Variants in UMODL1 observed in about 807,000 individuals in gnomAD.
UMODL1 encodes uromodulin-like 1.
Under a neutral mutation model 136.3 loss-of-function variants are expected in UMODL1, and 128 were observed. The observed-to-expected ratio is 0.94, with a 90% CI of 0.81 to 1.09. The LOEUF (loss-of-function observed/expected upper bound fraction) is 1.09. UMODL1 is among the 50% of genes least tolerant of loss of function. UMODL1 has a pLI of 0.00. For synonymous variants in UMODL1, 721 were observed against 720.0 expected (o/e 1.00, Z -0.02); for missense variants, 1,766 against 1,725.6 (o/e 1.02, Z -0.41).
At chr21:42,092,680 GT>G (rs1366848872) in intron 6 of UMODL1, among the ~76,000 whole-genome samples, 2 of 152,198 alleles carry the variant, frequency 1.3e-5, no homozygotes, top group African/African-American at 4.8e-5. Context: ...TAATTTGCAT[GT>G]TCTTTTTCCT....
chr21:42,129,781 C>T lies in UMODL1; in HGVS notation c.3759C>T (p.Pro1253=), dbSNP rs757566937. ...TSATHQMSWG[P]LIRSEGEPPH... ...CCACACACCAGATGTCCTGGGGACC[C>T]CTCATCCGGTCTGAAGGTGAGTTGA... Residue 1253 remains proline, a synonymous_variant, in exon 21 of 23, where the codon CCC becomes CCT. Coordinates refer to ENST00000408910, the MANE Select transcript of UMODL1 (RefSeq NM_001004416.3). 20 of 1,584,084 alleles carry T rather than the reference C, an allele frequency of 1.3e-5. No homozygotes were observed. In the African/African-American group the frequency reaches 2.7e-4, roughly 22 times the overall value.
chr21:42,071,150 T>A (rs1258632713), upstream of UMODL1, among the ~76,000 whole-genome samples: 4 of 152,136 alleles, frequency 2.6e-5, no homozygotes, highest in Non-Finnish European at 5.9e-5. Context: ...AAGGGACTGC[T>A]CCCAGCGGTG....
chr21:42,122,964 A>G lies in UMODL1; in HGVS notation c.2961A>G (p.Gly987=). The stretch of plus-strand genomic sequence containing the variant: ...TGCCCCAGCGGCTGAACCTGACCGG[A>G]GCAGTCAGGGTGCTCTGTGAGATCG... ...QGLPQRLNLT[G]AVRVLCEIEK... is the part of the protein sequence containing the mutation. The change falls in exon 17 of 23, where the codon GGA becomes GGG. Residue 987 remains glycine (G), a synonymous_variant. Transcript: ENST00000408910. This position sits in a 1 kb window ranked among gnomAD's most constrained non-coding sequence, Gnocchi z 4.3. The G allele has an allele frequency of 6.2e-7, 1 of 1,614,010 alleles. No homozygotes were observed. Among genetic ancestry groups the G allele is most frequent in the African/African-American group, 1.3e-5 (1 of 75,026 alleles).
At chr21:42,086,272 C>G (rs1056082537) in intron 4 of UMODL1, among the ~76,000 whole-genome samples, 5 of 152,242 alleles carry the variant, frequency 3.3e-5, no homozygotes, top group African/African-American at 1.2e-4. Flanking sequence ...AGACAAGGGG[C>G]CCCGCATTTT....
intron 1 of UMODL1, among the ~76,000 whole-genome samples, chr21:42,075,350 C>T (rs456429): frequency 0.26 from 39,598 of 152,100 alleles, 5,384 homozygotes; most frequent in African/African-American, 0.3. Context: ...TGAGCCACCA[C>T]GCCCGGCCTG....
chr21:42,122,786 CA>C lies in UMODL1; in HGVS notation c.2828-42del. ...TACCCCTGCCCCTCCATGCCAACCCCAAACACAGAGCCACTCTTTGCCTTTT... is the reference window on the plus strand; with the variant it reads ...TACCCCTGCCCCTCCATGCCAACCCCAACACAGAGCCACTCTTTGCCTTTT... On this transcript the variant is annotated intron_variant, in intron 16 of 22. Coordinates refer to ENST00000408910, the MANE Select transcript of UMODL1 (RefSeq NM_001004416.3). The surrounding 1 kb of genome is among the most constrained non-coding windows in gnomAD (Gnocchi z 4.3). 1.3e-6 allele frequency: 2 copies of C among 1,539,178 alleles called. No homozygotes were observed. The highest frequency in any genetic ancestry group is 1.8e-6 in the Non-Finnish European group (2 of 1,141,842).
intron 5 of UMODL1, 43 bp downstream of exon 5, chr21:42,088,523 G>A: frequency 6.5e-7 from 1 of 1,548,588 alleles, no homozygotes; most frequent in Non-Finnish European, 8.8e-7. Flanking sequence ...GCTGCAGGGT[G>A]GTGCCTGAAC....
rs1411589313 is a variant in UMODL1, at chr21:42,085,501, G to T, written c.603+89G>T. The T allele has an allele frequency of 1.3e-6, 2 of 1,588,412 alleles. No individual in the cohort carries two copies. The highest frequency in any genetic ancestry group is 1.1e-5 in the South Asian group (1 of 89,248). The stretch of plus-strand genomic sequence containing the variant: ...TATGGGGCCGTGGAAGGGACCTGGG[G>T]GTTGGGGAGGGTGATGTTCCCCAAA... On this transcript the variant is annotated intron_variant, in intron 4 of 22. Coordinates refer to ENST00000408910, the MANE Select transcript of UMODL1 (RefSeq NM_001004416.3). This position sits in a 1 kb window ranked among gnomAD's most constrained non-coding sequence, Gnocchi z 4.5.
At position 42,107,184 on chromosome 21, in the gene UMODL1, C is replaced by T. The variant is rs147167503; in HGVS notation, c.1520-2378C>T. On this transcript the variant is annotated intron_variant, in intron 9 of 22. Transcript: ENST00000408910. ...AACATCTGCTCTCAGGAGAGATTCT[C>T]ATACAGTGTGCATTTGTTCTAGAGT... 1.5e-3 allele frequency among the ~76,000 whole-genome samples: 228 copies of T among 152,330 alleles called. 1 individual carries two copies. Among genetic ancestry groups the T allele is most frequent in the African/African-American group, 5.3e-3 (220 of 41,572 alleles).
intron 22 of UMODL1, among the ~76,000 whole-genome samples, chr21:42,138,678 C>T (rs539362751): frequency 1.5e-4 from 23 of 152,006 alleles, no homozygotes; most frequent in South Asian, 2.1e-4. Context: ...CAGGTTAAAG[C>T]GATTCTCCTG....
chr21:42,137,545 C>A lies in UMODL1; in HGVS notation c.3882C>A (p.Arg1294=), dbSNP rs1175581986. The change falls in exon 22 of 23, where the codon CGC becomes CGA. Residue 1294 remains arginine, a synonymous_variant. Transcript: ENST00000408910. Reference sequence around the variant, plus strand: ...GAACAGCCACCCTTCTGATCGTGCGCTACCAGAGAATGAATGGGAGATACA... The same window carrying A: ...GAACAGCCACCCTTCTGATCGTGCGATACCAGAGAATGAATGGGAGATACA... ...VAGTATLLIV[R]YQRMNGRYNF... The A allele has an allele frequency of 6.2e-7, 1 of 1,614,108 alleles. No homozygotes were observed. Among genetic ancestry groups the A allele is most frequent in the Non-Finnish European group, 8.5e-7 (1 of 1,180,066 alleles).
chr21:42,103,612 A>T (rs1229652617), intron 8 of UMODL1: 11 of 622,514 alleles, frequency 1.8e-5, no homozygotes, highest in Admixed American at 2.1e-5. Context: ...ATGCTCCACA[A>T]CTGGGAGCTT....
At chr21:42,098,761 T>C (rs1019945604) in intron 6 of UMODL1, among the ~76,000 whole-genome samples, 165 bp from the exon 7 acceptor site, 2 of 152,288 alleles carry the variant, frequency 1.3e-5, no homozygotes, top group South Asian at 4.1e-4. Context: ...AGTGAGACTC[T>C]GTCTCAAAAC....
chr21:42,117,068 C>T (rs1377811474), intron 14 of UMODL1, among the ~76,000 whole-genome samples: 1 of 151,210 alleles, frequency 6.6e-6, no homozygotes, highest in Non-Finnish European at 1.5e-5. Context: ...AGAGCAAGAC[C>T]CCATCTCAAA....
At chr21:42,065,062 C>T (rs891249880) in intron 1 of UMODL1, among the ~76,000 whole-genome samples, 1 of 152,138 alleles carries the variant, frequency 6.6e-6, no homozygotes, top group Non-Finnish European at 1.5e-5. Context: ...AAGCCTGATT[C>T]GAGGTAGAGG....
chr21:42,063,953 G>T (rs1158719686), intron 1 of UMODL1, among the ~76,000 whole-genome samples: 2 of 152,178 alleles, frequency 1.3e-5, no homozygotes. Context: ...TTTATTTGGG[G>T]TGAAAAACAA....
At position 42,085,717 on chromosome 21, in the gene UMODL1, C is replaced by A. The variant is rs929693122; in HGVS notation, c.603+305C>A. ...CCCTAAGCTTGCAGGGGTCTGCAGT[C>A]CCAGCAAAGACAGCCTAAGCCCCGA... is the stretch of plus-strand genomic sequence containing the variant. On this transcript the variant is annotated intron_variant, in intron 4 of 22. Transcript: ENST00000408910. This position sits in a 1 kb window ranked among gnomAD's most constrained non-coding sequence, Gnocchi z 4.5. 6.6e-6 allele frequency among the ~76,000 whole-genome samples: 1 copy of A among 152,190 alleles called. No individual in the cohort carries two copies. Among genetic ancestry groups the A allele is most frequent in the East Asian group, 1.9e-4 (1 of 5,190 alleles).
intron 1 of UMODL1, 66 bp from the exon 2 acceptor site, chr21:42,075,939 C>T (rs971417799): frequency 8.2e-6 from 13 of 1,589,114 alleles, no homozygotes; most frequent in South Asian, 4.5e-5. Flanking sequence ...GGACGCCTTG[C>T]GGATAACCGC....
At chr21:42,107,435 C>T (rs992600252) in intron 9 of UMODL1, among the ~76,000 whole-genome samples, 5 of 152,172 alleles carry the variant, frequency 3.3e-5, no homozygotes, top group Admixed American at 2.6e-4. Context: ...CTGCGCGAGC[C>T]CTTTCCATCC....
Sources: allele counts gnomAD v4.1 joint callset (sites outside exome capture counted in the v4.1 genomes callset), GRCh38; gene constraint gnomAD v4.1.1; non-coding constraint Gnocchi (gnomAD v3.1); transcripts MANE v1.5; gene names NCBI Gene and HGNC (gene_info 2026-07-23, HGNC 2026-07-21).